Variants in ARL8B observed in about 807,000 individuals in gnomAD.
ARL8B encodes ARF like GTPase 8B.
In ARL8B, 9 loss-of-function variants were observed where a neutral mutation model predicts 30.6. The ratio of observed to expected loss-of-function variants is 0.29; its 90% CI spans 0.18 to 0.51. The LOEUF (loss-of-function observed/expected upper bound fraction) is 0.51. ARL8B is among the 20% of genes least tolerant of loss of function. The pLI is 0.97. For missense variants in ARL8B, 130 were observed against 227.2 expected (o/e 0.57, Z 2.75); for synonymous variants, 74 against 76.0 (o/e 0.97, Z 0.14).
chr3:5,134,724 T>C (rs1345309884), intron 1 of ARL8B, among the ~76,000 whole-genome samples: 3 of 152,248 alleles, frequency 2.0e-5, no homozygotes, highest in African/African-American at 7.2e-5. Flanking sequence ...TTCTTTGATA[T>C]CTGCTTAGAG....
chr3:5,129,147 A>G (rs1163923540), intron 1 of ARL8B, among the ~76,000 whole-genome samples: 1 of 151,272 alleles, frequency 6.6e-6, no homozygotes, highest in African/African-American at 2.4e-5. Flanking sequence ...GTACACTCCC[A>G]CTGAGAAGGT....
intron 2 of ARL8B, 147 bp downstream of exon 2, chr3:5,170,730 GT>G: frequency 1.8e-6 from 1 of 547,514 alleles, no homozygotes; most frequent in Non-Finnish European, 3.1e-6. Context: ...TTTTGTTGTT[GT>G]TTTTTTGTTT....
chr3:5,172,929 T>A (rs989482049), intron 4 of ARL8B, among the ~76,000 whole-genome samples, 189 bp downstream of exon 4: 1 of 152,214 alleles, frequency 6.6e-6, no homozygotes, highest in East Asian at 1.9e-4. Flanking sequence ...TAACCACGTA[T>A]CTACTAAACT....
intron 1 of ARL8B, among the ~76,000 whole-genome samples, chr3:5,132,647 T>C (rs13072633): frequency 0.4 from 60,488 of 152,042 alleles, 13,111 homozygotes; most frequent in African/African-American, 0.59. Context: ...CTGTACCCCA[T>C]TGCTAAGAAC....
chr3:5,173,008 C>T (rs532465801), intron 4 of ARL8B, among the ~76,000 whole-genome samples: 1 of 152,300 alleles, frequency 6.6e-6, no homozygotes, highest in South Asian at 2.1e-4. Flanking sequence ...GAAACATACT[C>T]CTTGCCATCA....
At chr3:5,172,087 C>A in intron 2 of ARL8B, 63 bp from the exon 3 acceptor site, 2 of 1,433,180 alleles carry the variant, frequency 1.4e-6, no homozygotes, top group Non-Finnish European at 1.9e-6. Context: ...TTTTCTGTTA[C>A]TTCCTCTTGC....
At chr3:5,157,420 C>T (rs2054542837) in intron 1 of ARL8B, among the ~76,000 whole-genome samples, 1 of 152,180 alleles carries the variant, frequency 6.6e-6, no homozygotes, top group South Asian at 2.1e-4. Flanking sequence ...AGGCTCCTGC[C>T]TTTCCCTCAG....
At position 5,128,281 on chromosome 3, in the gene ARL8B, C is replaced by G. The variant is rs956678488; in HGVS notation, c.123+5693C>G. ...TTTTTAAAGAAAATGGGCTGTGGTT[C>G]AAGTCTAGATGTTTTACACATCTGA... is the stretch of plus-strand genomic sequence containing the variant. On this transcript the variant is annotated intron_variant, in intron 1 of 6. Transcript: ENST00000256496. Among the ~76,000 whole-genome samples the G allele has an allele frequency of 3.6e-4, 55 of 151,540 alleles. 1 individual carries two copies. The highest frequency in any genetic ancestry group is 1.2e-3 in the African/African-American group (50 of 41,286).
chr3:5,164,742 G>A (rs1261313986), intron 1 of ARL8B, among the ~76,000 whole-genome samples: 1 of 152,096 alleles, frequency 6.6e-6, no homozygotes, highest in Non-Finnish European at 1.5e-5. Flanking sequence ...AATATCATTT[G>A]TTGCCATTTT....
intron 3 of ARL8B, 123 bp from the exon 4 acceptor site, chr3:5,172,524 A>G: frequency 1.4e-6 from 1 of 715,352 alleles, no homozygotes; most frequent in South Asian, 2.0e-5. Context: ...TTCTTATGAC[A>G]TAGTTTATTT....
chr3:5,124,336 G>A (rs1417040170), intron 1 of ARL8B, among the ~76,000 whole-genome samples: 8 of 146,578 alleles, frequency 5.5e-5, no homozygotes, highest in Non-Finnish European at 1.2e-4. Flanking sequence ...GAACTCCTGG[G>A]CTCAAGCGAG....
At chr3:5,153,042 C>G (rs1478911349) in intron 1 of ARL8B, among the ~76,000 whole-genome samples, 1 of 151,986 alleles carries the variant, frequency 6.6e-6, no homozygotes, top group Non-Finnish European at 1.5e-5. Flanking sequence ...TTTAATTTCT[C>G]TATTGGGGTT....
At chr3:5,140,406 G>A (rs181829896) in intron 1 of ARL8B, among the ~76,000 whole-genome samples, 23 of 152,256 alleles carry the variant, frequency 1.5e-4, no homozygotes. Flanking sequence ...CATGTAAGAA[G>A]CCCCTTTACT....
intron 1 of ARL8B, among the ~76,000 whole-genome samples, chr3:5,135,616 G>C (rs911132209): frequency 6.6e-6 from 1 of 151,380 alleles, no homozygotes; most frequent in Non-Finnish European, 1.5e-5. Flanking sequence ...ACGCCACCAT[G>C]CTCAGCTACT....
intron 1 of ARL8B, among the ~76,000 whole-genome samples, chr3:5,168,137 T>C (rs770537527): frequency 3.4e-4 from 52 of 152,170 alleles, no homozygotes; most frequent in Non-Finnish European, 4.9e-4. Flanking sequence ...TAAAGTCATA[T>C]CGTTCTTAAG....
At chr3:5,171,362 T>A (rs937768300) in intron 2 of ARL8B, among the ~76,000 whole-genome samples, 3 of 152,230 alleles carry the variant, frequency 2.0e-5, no homozygotes, top group Non-Finnish European at 4.4e-5. Flanking sequence ...TTTATTTTAT[T>A]TTTTTGAGAT....
chr3:5,145,361 A>G (rs796828721), intron 1 of ARL8B, among the ~76,000 whole-genome samples: 4 of 152,240 alleles, frequency 2.6e-5, no homozygotes, highest in African/African-American at 9.6e-5. Flanking sequence ...TTTTGATTTA[A>G]TATATTCCTG....
intron 1 of ARL8B, 67 bp from the exon 2 acceptor site, chr3:5,170,434 TGA>T: frequency 4.0e-6 from 4 of 1,011,106 alleles, no homozygotes; most frequent in Non-Finnish European, 5.9e-6. Context: ...AATGCAATGT[TGA>T]TATTAGAAGT....
At chr3:5,126,709 G>C (rs1369541812) in intron 1 of ARL8B, among the ~76,000 whole-genome samples, 10 of 152,050 alleles carry the variant, frequency 6.6e-5, no homozygotes, top group Admixed American at 6.5e-4. Context: ...TATATGTAGT[G>C]TTCTCTTTTG....
Sources: gnomAD v4.1 joint callset for allele counts (sites outside exome capture counted in the v4.1 genomes callset) on GRCh38, gnomAD v4.1.1 for gene constraint, MANE v1.5 for transcripts, NCBI Gene and HGNC (gene_info 2026-07-23, HGNC 2026-07-21) for gene names.